Variants in FCHSD2 observed in about 807,000 individuals in gnomAD.
The protein encoded by FCHSD2 is F-BAR and double SH3 domains protein 2.
A neutral mutation model predicts 108.1 loss-of-function variants in FCHSD2; 38 were observed. That is an observed-to-expected ratio of 0.35 (90% CI 0.27 to 0.46). FCHSD2 has a LOEUF of 0.46. FCHSD2 is among the 20% of genes least tolerant of loss of function. The pLI is 1.00. For synonymous variants in FCHSD2, 279 were observed against 314.7 expected, an observed-to-expected ratio of 0.89 and a Z score of 1.20; for missense variants, 751 against 897.8, an observed-to-expected ratio of 0.84 and a Z score of 2.09.
intron 4 of FCHSD2, among the ~76,000 whole-genome samples, chr11:73,001,665 G>C (rs75516546): frequency 0.022 from 3,302 of 152,136 alleles, 78 homozygotes; most frequent in African/African-American, 0.059. Flanking sequence ...AAACTGACGC[G>C]GCTGGAAAAA....
At chr11:72,991,078 A>G (rs1204672240) in intron 5 of FCHSD2, among the ~76,000 whole-genome samples, 1 of 152,226 alleles carries the variant, frequency 6.6e-6, no homozygotes, top group Non-Finnish European at 1.5e-5. Flanking sequence ...AGAATACTAT[A>G]AACACCTCTA....
chr11:73,112,364 T>C (rs927388163), intron 2 of FCHSD2, among the ~76,000 whole-genome samples: 10 of 152,222 alleles, frequency 6.6e-5, no homozygotes, highest in South Asian at 2.1e-4. Context: ...GCTGGACATA[T>C]TGGAGCTCCA....
intron 14 of FCHSD2, among the ~76,000 whole-genome samples, chr11:72,844,064 A>G (rs1437362702): frequency 6.6e-6 from 1 of 152,024 alleles, no homozygotes. Flanking sequence ...CTGGGTTCCA[A>G]CTCCAGCTTC....
chr11:73,093,910 A>G (rs1383300376), intron 2 of FCHSD2, among the ~76,000 whole-genome samples: 4 of 149,432 alleles, frequency 2.7e-5, no homozygotes, highest in African/African-American at 9.8e-5. Flanking sequence ...CAGCTGATGA[A>G]TGTTAAGAAT....
intron 8 of FCHSD2, among the ~76,000 whole-genome samples, chr11:72,928,978 T>G (rs1856134638): frequency 1.3e-5 from 2 of 151,730 alleles, no homozygotes; most frequent in South Asian, 4.1e-4. Flanking sequence ...CGGTGTTTGG[T>G]TTTTTGTCCT....
chr11:73,057,000 G>A (rs1242525190), intron 3 of FCHSD2, among the ~76,000 whole-genome samples: 1 of 151,972 alleles, frequency 6.6e-6, no homozygotes, highest in African/African-American at 2.4e-5. Flanking sequence ...GGAGAATGGC[G>A]TGAACCCAGG....
rs182752486 is a variant in FCHSD2, at chr11:72,934,418, C to A, written c.706-12468G>T. 4.0e-4 allele frequency among the ~76,000 whole-genome samples: 61 copies of A among 151,518 alleles called. No individual in the cohort carries two copies. The Middle Eastern group carries it at 0.014, about 34-fold the overall frequency. On this transcript the variant is annotated intron_variant, in intron 8 of 19. Transcript: ENST00000409418. ...CTATCTCGGCTCACTGCAACCTCCACCTCCTGGGTTCAAGAGATTCTTCTG... is the reference window on the plus strand; with the variant it reads ...CTATCTCGGCTCACTGCAACCTCCAACTCCTGGGTTCAAGAGATTCTTCTG...
At chr11:73,051,913 A>ACC (rs1858911444) in intron 3 of FCHSD2, among the ~76,000 whole-genome samples, 2 of 117,836 alleles carry the variant, frequency 1.7e-5, no homozygotes, top group Admixed American at 1.7e-4. Context: ...ACACACACAC[A>ACC]CACCCCACAC....
chr11:72,985,190 T>C (rs1413740009), intron 6 of FCHSD2, 74 bp from the exon 7 acceptor site: 2 of 333,672 alleles, frequency 6.0e-6, no homozygotes, highest in Non-Finnish European at 1.1e-5. Flanking sequence ...AAATATATTA[T>C]TAAAATTTAA....
In FCHSD2 at chr11:73,141,976, CGT is replaced by C. The variant is rs1861260391; in HGVS notation, c.-101_-100del. On this transcript the variant is annotated 5_prime_UTR_variant, in exon 1 of 20. Coordinates refer to ENST00000409418, the MANE Select transcript of FCHSD2 (RefSeq NM_014824.3). ...GAGGGGACGGCCCAGCGAGCGCGCG[CGT>C]GTGTGAAAGGAGCGCTTAAGAAGCA... 9 of 1,266,976 alleles carry C rather than the reference CGT, an allele frequency of 7.1e-6. No individual in the cohort carries two copies. Among genetic ancestry groups the C allele is most frequent in the Non-Finnish European group, 7.6e-6 (7 of 918,190 alleles). The allele number at this position is 1,266,976 out of a possible 1,614,324, so 78.5% of individuals were successfully genotyped here.
At chr11:72,948,302 C>T (rs1300745421) in intron 8 of FCHSD2, among the ~76,000 whole-genome samples, 1 of 152,104 alleles carries the variant, frequency 6.6e-6, no homozygotes, top group Non-Finnish European at 1.5e-5. Flanking sequence ...GCCACTGTGC[C>T]CAGCCACTGG....
intron 3 of FCHSD2, among the ~76,000 whole-genome samples, chr11:73,022,590 A>G (rs1247933383): frequency 6.6e-6 from 1 of 152,210 alleles, no homozygotes; most frequent in Non-Finnish European, 1.5e-5. Flanking sequence ...GAAAAGAATA[A>G]AAGAATCTAA....
intron 9 of FCHSD2, among the ~76,000 whole-genome samples, chr11:72,908,677 T>C (rs907872595): frequency 2.0e-5 from 3 of 152,196 alleles, no homozygotes; most frequent in African/African-American, 7.2e-5. Flanking sequence ...GCCACTTATT[T>C]TTATCATTAT....
chr11:73,099,718 G>T (rs553198852), intron 2 of FCHSD2, among the ~76,000 whole-genome samples: 1 of 152,348 alleles, frequency 6.6e-6, no homozygotes, highest in South Asian at 2.1e-4. Context: ...CCTCGGTCTG[G>T]TTGGGGCTGT....
At chr11:73,101,168 AC>A (rs1226981600) in intron 2 of FCHSD2, among the ~76,000 whole-genome samples, 1 of 152,196 alleles carries the variant, frequency 6.6e-6, no homozygotes, top group Admixed American at 6.5e-5. Flanking sequence ...TTTAGTTCCG[AC>A]CTGAAGGAGA....
At chr11:73,062,935 G>C (rs1859202286) in intron 3 of FCHSD2, among the ~76,000 whole-genome samples, 1 of 152,058 alleles carries the variant, frequency 6.6e-6, no homozygotes. Context: ...GAAATACATA[G>C]AACACCACAA....
At chr11:73,124,755 CA>C (rs1356819457) in intron 2 of FCHSD2, among the ~76,000 whole-genome samples, 1,354 of 120,742 alleles carry the variant, frequency 0.011, 10 homozygotes, top group Non-Finnish European at 0.016. Flanking sequence ...GACTCTGTCT[CA>C]AAAAAAAAAA....
intron 8 of FCHSD2, among the ~76,000 whole-genome samples, chr11:72,962,793 G>A (rs1856841373): frequency 6.6e-6 from 1 of 151,868 alleles, no homozygotes; most frequent in South Asian, 2.1e-4. Flanking sequence ...ATATCACAAA[G>A]GTCCCTCCTA....
Position 73,049,110 on chromosome 11 carries a change from A to G in FCHSD2, c.166-33225T>C, listed in dbSNP as rs1394984363. Reference sequence around the variant, plus strand: ...GCGTAGGATGGTGAAGATCTGATTTAATAGCAAGATATGTAAAAAGACGTA... The same window carrying G: ...GCGTAGGATGGTGAAGATCTGATTTGATAGCAAGATATGTAAAAAGACGTA... On this transcript the variant is annotated intron_variant, in intron 3 of 19. Transcript: ENST00000409418. Among the ~76,000 whole-genome samples, 3 of 152,176 alleles carry G rather than the reference A, an allele frequency of 2.0e-5. No homozygotes were observed. The East Asian group carries it at 5.8e-4, about 29-fold the overall frequency.
Sources: allele counts gnomAD v4.1 joint callset (sites outside exome capture counted in the v4.1 genomes callset), GRCh38; gene constraint gnomAD v4.1.1; transcripts MANE v1.5; gene names NCBI Gene and HGNC (gene_info 2026-07-23, HGNC 2026-07-21).